Variants in ZCWPW2 observed in about 807,000 individuals in gnomAD.
ZCWPW2 encodes the protein zinc finger CW-type and PWWP domain containing 2.
Under a neutral mutation model 46.6 loss-of-function variants are expected in ZCWPW2, and 45 were observed. That is an observed-to-expected ratio of 0.96 (90% CI 0.76 to 1.24). The LOEUF (loss-of-function observed/expected upper bound fraction) is 1.24. Among genes scored for constraint, ZCWPW2 ranks in the 50% most tolerant of loss-of-function variants. ZCWPW2 has a pLI of 0.00. For missense variants in ZCWPW2, 429 were observed against 403.9 expected (o/e 1.06, Z -0.53); for synonymous variants, 152 against 137.1 (o/e 1.11, Z -0.76).
At chr3:28,491,026 A>C (rs1471932144) in intron 5 of ZCWPW2, among the ~76,000 whole-genome samples, 1 of 152,086 alleles carries the variant, frequency 6.6e-6, no homozygotes, top group African/African-American at 2.4e-5. Flanking sequence ...CCTGCTTTTG[A>C]GGAATATTTT....
Position 28,375,770 on chromosome 3 carries a change from C to T in ZCWPW2, c.-133-14728C>T, listed in dbSNP as rs145474129. Among the ~76,000 whole-genome samples, 202 of 150,498 alleles carry T rather than the reference C, an allele frequency of 1.3e-3. 1 individual carries two copies. The highest frequency in any genetic ancestry group is 4.5e-3 in the African/African-American group (184 of 40,952). On this transcript the variant is annotated intron_variant, in intron 1 of 9. Transcript: ENST00000383768. The stretch of plus-strand genomic sequence containing the variant: ...TTTTTTTGTGCTCATTAACTGTCCA[C>T]ACTTCCCCTACCATCCCCCGTCTAC...
Position 28,413,401 on chromosome 3 carries a change from G to T in ZCWPW2, c.332+1G>T. 6.2e-7 allele frequency: 1 copy of T among 1,601,640 alleles called. No individual in the cohort carries two copies. The highest frequency in any genetic ancestry group is 8.5e-7 in the Non-Finnish European group (1 of 1,171,716). On this transcript the variant is annotated splice_donor_variant, in intron 3 of 9. Transcript: ENST00000383768. LOFTEE classifies it high-confidence loss of function. Reference sequence around the variant, plus strand: ...TGGTAAAATTACAGAATTGGCCAAGGTAAGGTTTGTGTAGTTTTATGACTT... The same window carrying T: ...TGGTAAAATTACAGAATTGGCCAAGTTAAGGTTTGTGTAGTTTTATGACTT...
Position 28,348,926 on chromosome 3 carries a change from C to T in ZCWPW2, c.-411C>T. ...GCCCGCCGTCGGGACCAGCACGGGC[C>T]GGAGGGAGGGGAAGCACTCCGGAAA... On this transcript the variant is annotated 5_prime_UTR_variant, in exon 1 of 10. Transcript: ENST00000383768. 2.0e-6 allele frequency: 2 copies of T among 983,850 alleles called. No homozygotes were observed. The highest frequency in any genetic ancestry group is 2.4e-6 in the Non-Finnish European group (2 of 828,516). The allele number at this position is 983,850 out of a possible 1,614,324, so 60.9% of individuals were successfully genotyped here.
At chr3:28,365,027 A>T (rs1398301207) in intron 1 of ZCWPW2, among the ~76,000 whole-genome samples, 3 of 151,764 alleles carry the variant, frequency 2.0e-5, no homozygotes, top group African/African-American at 7.3e-5. Context: ...GTTTGAGTTC[A>T]TTGTAGATTC....
At chr3:28,371,988 TCC>T in intron 1 of ZCWPW2, among the ~76,000 whole-genome samples, 1 of 151,708 alleles carries the variant, frequency 6.6e-6, no homozygotes, top group Non-Finnish European at 1.5e-5. Context: ...CTCCTCCTCC[TCC>T]TGCTCCTCCT....
At chr3:28,444,154 A>G (rs1697887012) in intron 4 of ZCWPW2, among the ~76,000 whole-genome samples, 2 of 152,074 alleles carry the variant, frequency 1.3e-5, no homozygotes, top group South Asian at 4.2e-4. Flanking sequence ...CACACCCTTA[A>G]TATTCATTAT....
intron 1 of ZCWPW2, among the ~76,000 whole-genome samples, chr3:28,386,927 A>G (rs1242075553): frequency 6.6e-6 from 1 of 152,142 alleles, no homozygotes; most frequent in Non-Finnish European, 1.5e-5. Context: ...GAGAAGGAGA[A>G]TTGGTGGGGC....
intron 3 of ZCWPW2, 132 bp from the exon 4 acceptor site, chr3:28,434,978 T>C (rs1442275995): frequency 4.5e-6 from 4 of 897,200 alleles, no homozygotes; most frequent in Non-Finnish European, 6.7e-6. Flanking sequence ...CTTTGAAAGA[T>C]ATAAGTAGGA....
chr3:28,368,069 A>G (rs1413407061), intron 1 of ZCWPW2, among the ~76,000 whole-genome samples: 1 of 152,120 alleles, frequency 6.6e-6, no homozygotes, highest in South Asian at 2.1e-4. Flanking sequence ...TCCTGAATGC[A>G]GCATACTGAT....
chr3:28,505,090 A>G (rs1210760337), intron 6 of ZCWPW2, among the ~76,000 whole-genome samples: 2 of 152,166 alleles, frequency 1.3e-5, no homozygotes, highest in African/African-American at 4.8e-5. Context: ...AGTGTTAATC[A>G]AAGCCCTTTT....
At chr3:28,491,896 G>C (rs959474483) in intron 5 of ZCWPW2, among the ~76,000 whole-genome samples, 3 of 151,926 alleles carry the variant, frequency 2.0e-5, no homozygotes, top group Non-Finnish European at 2.9e-5. Flanking sequence ...TTTAAGAGAG[G>C]AGATCTGCCA....
chr3:28,402,921 A>G (rs1696008205), intron 2 of ZCWPW2, among the ~76,000 whole-genome samples: 1 of 152,186 alleles, frequency 6.6e-6, no homozygotes, highest in African/African-American at 2.4e-5. Flanking sequence ...GCCATCTATG[A>G]CAAACTCACA....
chr3:28,406,509 C>A (rs1260671951), intron 2 of ZCWPW2, among the ~76,000 whole-genome samples: 1 of 152,144 alleles, frequency 6.6e-6, no homozygotes, highest in Non-Finnish European at 1.5e-5. Context: ...ACAACTACAT[C>A]ATGACTTTGA....
chr3:28,428,746 C>G (rs1218486662), intron 3 of ZCWPW2, among the ~76,000 whole-genome samples: 1 of 152,098 alleles, frequency 6.6e-6, no homozygotes, highest in Admixed American at 6.6e-5. Flanking sequence ...TCTCATGATA[C>G]TGAGTCAGAT....
chr3:28,433,982 C>T (rs977890549), intron 3 of ZCWPW2, among the ~76,000 whole-genome samples: 2 of 150,218 alleles, frequency 1.3e-5, no homozygotes, highest in Non-Finnish European at 3.0e-5. Context: ...CTTATAATAC[C>T]CTTGAATCAA....
chr3:28,400,834 C>T (rs544993973), intron 2 of ZCWPW2, among the ~76,000 whole-genome samples: 8 of 152,280 alleles, frequency 5.3e-5, no homozygotes, highest in Non-Finnish European at 1.2e-4. Context: ...CAAAACAAAA[C>T]CTCTTTAAAG....
intron 7 of ZCWPW2, among the ~76,000 whole-genome samples, chr3:28,514,461 TAG>T (rs1380632455): frequency 6.6e-6 from 1 of 152,052 alleles, no homozygotes; most frequent in Non-Finnish European, 1.5e-5. Flanking sequence ...TATTAGTATA[TAG>T]GTGGAAACTG....
intron 3 of ZCWPW2, among the ~76,000 whole-genome samples, chr3:28,414,072 A>T (rs1305940564): frequency 6.6e-6 from 1 of 152,048 alleles, no homozygotes; most frequent in African/African-American, 2.4e-5. Flanking sequence ...GGTTTATTAA[A>T]TTATAACCTA....
At chr3:28,516,054 A>C (rs1345255348) in intron 8 of ZCWPW2, among the ~76,000 whole-genome samples, 1 of 152,028 alleles carries the variant, frequency 6.6e-6, no homozygotes, top group Non-Finnish European at 1.5e-5. Flanking sequence ...CAGCCTGGTC[A>C]ACACAGTGAA....
Sources: gnomAD v4.1 joint callset for allele counts (sites outside exome capture counted in the v4.1 genomes callset) on GRCh38, gnomAD v4.1.1 for gene constraint, MANE v1.5 for transcripts, NCBI Gene and HGNC (gene_info 2026-07-23, HGNC 2026-07-21) for gene names.